PAMR1: variants seen among roughly 807,000 people sequenced by gnomAD.
The protein encoded by PAMR1 is inactive serine protease PAMR1.
A neutral mutation model predicts 81.8 loss-of-function variants in PAMR1; 88 were observed. The observed-to-expected ratio is 1.08, with a 90% confidence interval of 0.91 to 1.28. The LOEUF (loss-of-function observed/expected upper bound fraction) is 1.28. PAMR1 is among the 50% of genes most tolerant of loss of function. The probability of loss-of-function intolerance (pLI) is 0.00; values close to 1 mark genes in which losing one functional copy is unlikely to be tolerated. For synonymous variants in PAMR1, 336 were observed against 345.3 expected (o/e 0.97, Z 0.30); for missense variants, 935 against 919.7 (o/e 1.02, Z -0.21).
At chr11:35,509,816 G>A (rs553162496) in intron 1 of PAMR1, among the ~76,000 whole-genome samples, 29 of 152,308 alleles carry the variant, frequency 1.9e-4, no homozygotes, top group African/African-American at 6.7e-4. Flanking sequence ...TAGGAGGAAA[G>A]AGCTGGGCCA....
In PAMR1 at chr11:35,435,751, AG is replaced by A. The variant is rs1856026358; in HGVS notation, c.1333+151del. ...CTCCTGGGTAGTAAGGTTAAGCCAA[AG>A]GAAAAAAAAAGCTCTAACTATGGAA... On this transcript the variant is annotated intron_variant, in intron 9 of 10. Coordinates refer to ENST00000619888, the MANE Select transcript of PAMR1 (RefSeq NM_001001991.3). 6.5e-6 allele frequency: 4 copies of A among 619,630 alleles called. No individual in the cohort carries two copies. In the South Asian group the frequency reaches 8.1e-5, roughly 12 times the overall value. The allele number at this position is 619,630 out of a possible 1,614,324, so 38.4% of individuals were successfully genotyped here.
chr11:35,516,102 T>A (rs113109737), intron 1 of PAMR1, among the ~76,000 whole-genome samples: 1 of 152,202 alleles, frequency 6.6e-6, no homozygotes, highest in African/African-American at 2.4e-5. Context: ...ATTATCTCAT[T>A]TAATACCTGC....
intron 6 of PAMR1, among the ~76,000 whole-genome samples, chr11:35,452,256 A>G (rs1027531452): frequency 6.6e-6 from 1 of 152,244 alleles, no homozygotes; most frequent in African/African-American, 2.4e-5. Context: ...AGCAAATCAG[A>G]TACCACTGAA....
intron 1 of PAMR1, among the ~76,000 whole-genome samples, chr11:35,518,326 G>T (rs1273715891): frequency 6.6e-6 from 1 of 151,900 alleles, no homozygotes; most frequent in Admixed American, 6.6e-5. Context: ...GGACATTTCA[G>T]GTGTTCTCCA....
chr11:35,494,324 A>G (rs1418397836), intron 1 of PAMR1, 52 bp from the exon 2 acceptor site: 1 of 1,471,740 alleles, frequency 6.8e-7, no homozygotes, highest in Non-Finnish European at 9.4e-7. Flanking sequence ...GAGTGGTAAG[A>G]CTCTTTGTTT....
chr11:35,465,462 T>C (rs1160317575), intron 6 of PAMR1, among the ~76,000 whole-genome samples: 2 of 152,200 alleles, frequency 1.3e-5, no homozygotes, highest in Non-Finnish European at 2.9e-5. Flanking sequence ...AGAAAATAAA[T>C]CTTTTTGCTC....
chr11:35,513,858 A>T (rs148616245), intron 1 of PAMR1, among the ~76,000 whole-genome samples: 1 of 152,180 alleles, frequency 6.6e-6, no homozygotes, highest in South Asian at 2.1e-4. Flanking sequence ...TCAAATAAGC[A>T]TATTCCTTTG....
chr11:35,515,592 C>T (rs1178545188), intron 1 of PAMR1, among the ~76,000 whole-genome samples: 1 of 152,210 alleles, frequency 6.6e-6, no homozygotes, highest in Admixed American at 6.5e-5. Context: ...AACGTCTCAT[C>T]TGCAGACTTT....
intron 1 of PAMR1, among the ~76,000 whole-genome samples, chr11:35,510,660 A>G (rs1469021224): frequency 6.6e-6 from 1 of 152,242 alleles, no homozygotes; most frequent in African/African-American, 2.4e-5. Context: ...TAACAAATGT[A>G]TAAACATAGA....
At chr11:35,499,708 A>G (rs1850794547) in intron 1 of PAMR1, among the ~76,000 whole-genome samples, 1 of 152,118 alleles carries the variant, frequency 6.6e-6, no homozygotes, top group African/African-American at 2.4e-5. Flanking sequence ...TATAGATAAG[A>G]TCCATTTCTC....
intron 6 of PAMR1, among the ~76,000 whole-genome samples, chr11:35,467,733 A>T (rs1856781897): frequency 6.6e-6 from 1 of 152,170 alleles, no homozygotes; most frequent in South Asian, 2.1e-4. Flanking sequence ...AGCTCTGAAT[A>T]TTACTAGAGG....
chr11:35,475,158 C>G (rs1400092666), intron 3 of PAMR1, among the ~76,000 whole-genome samples: 2 of 152,182 alleles, frequency 1.3e-5, no homozygotes, highest in African/African-American at 2.4e-5. Flanking sequence ...TTAAAAGGCT[C>G]AGAAAGTAGA....
rs116676893 is a variant in PAMR1, at chr11:35,457,364, C to G, written c.820+10637G>C. On this transcript the variant is annotated intron_variant, in intron 6 of 10. Coordinates refer to ENST00000619888, the MANE Select transcript of PAMR1 (RefSeq NM_001001991.3). ...TGGTTCTTAGGCCTTCAGATGCTTA[C>G]TGAAGTCTACACTATTGGATCTCCA... Among the ~76,000 whole-genome samples, 501 of 152,286 alleles carry G rather than the reference C, an allele frequency of 3.3e-3. 2 individuals are homozygous for G. Among genetic ancestry groups the G allele is most frequent in the African/African-American group, 0.012 (483 of 41,550 alleles).
rs1259318024 is a variant in PAMR1 at position 35,434,649 on chromosome 11, G to T, written c.1489C>A (p.Arg497Ser). 6.2e-7 allele frequency: 1 copy of T among 1,613,976 alleles called. No homozygotes were observed. The highest frequency in any genetic ancestry group is 1.7e-5 in the Admixed American group (1 of 59,990). ...CAGTGGGCAGCCACCACCACAGTGC[G>T]CTCATTCACCAGGGCACCGCTGCAG... ...LVCSGALVNE[R>S]TVVVAAHCVT... Residue 497 changes from arginine to serine, a missense_variant, in exon 10 of 11, where the codon CGC (arginine) becomes AGC (serine). Transcript: ENST00000619888.
intron 3 of PAMR1, 124 bp downstream of exon 3, chr11:35,491,921 A>G: frequency 1.2e-6 from 1 of 800,308 alleles, no homozygotes. Flanking sequence ...AGTTTTACCT[A>G]GAAAGCCCTC....
At chr11:35,464,755 A>C (rs1856727876) in intron 6 of PAMR1, among the ~76,000 whole-genome samples, 1 of 152,216 alleles carries the variant, frequency 6.6e-6, no homozygotes, top group Non-Finnish European at 1.5e-5. Flanking sequence ...GCCAGGAAAA[A>C]ACAATGTTCT....
At chr11:35,494,683 C>G (rs1850694032) in intron 1 of PAMR1, among the ~76,000 whole-genome samples, 1 of 152,160 alleles carries the variant, frequency 6.6e-6, no homozygotes, top group South Asian at 2.1e-4. Flanking sequence ...GCAACCTTGC[C>G]CTATAAATGC....
In PAMR1 at chr11:35,434,574, C is replaced by A; in HGVS notation, c.1564G>T (p.Val522Phe). 6.2e-7 allele frequency: 1 copy of A among 1,614,114 alleles called. No individual in the cohort carries two copies. Among genetic ancestry groups the A allele is most frequent in the Non-Finnish European group, 8.5e-7 (1 of 1,180,030 alleles). ...VTMIKTADLKVVLGKFYRDDD... is the reference protein window; with the variant it reads ...VTMIKTADLKFVLGKFYRDDD... ...TCCCGGTAGAATTTCCCCAAAACAA[C>A]TTTCAGGTCTGCTGTCTTGATCATG... The change falls in exon 10 of 11, where the codon GTT becomes TTT. Residue 522 changes from valine (V) to phenylalanine (F), a missense_variant. Physicochemically the swap from Val to Phe is conservative, Grantham distance 50. Coordinates refer to ENST00000619888, the MANE Select transcript of PAMR1 (RefSeq NM_001001991.3).
At chr11:35,485,318 A>AT (rs1366865674) in intron 3 of PAMR1, among the ~76,000 whole-genome samples, 1 of 152,252 alleles carries the variant, frequency 6.6e-6, no homozygotes, top group East Asian at 1.9e-4. Flanking sequence ...TTGGAGAATG[A>AT]TAAAAAGTGG....
Sources: allele counts gnomAD v4.1 joint callset (sites outside exome capture counted in the v4.1 genomes callset), GRCh38; gene constraint gnomAD v4.1.1; transcripts MANE v1.5; gene names NCBI Gene and HGNC (gene_info 2026-07-23, HGNC 2026-07-21).